The following MAP2K5 variants were observed in gnomAD, a reference collection of about 807,000 sequenced individuals.
MAP2K5 encodes the protein dual specificity mitogen-activated protein kinase kinase 5.
Under a neutral mutation model 83.1 loss-of-function variants are expected in MAP2K5, and 49 were observed. The observed-to-expected ratio is 0.59, with a 90% CI of 0.47 to 0.75. The LOEUF is 0.75. MAP2K5 is among the 30% of genes least tolerant of loss of function. The pLI is 0.00. For missense variants in MAP2K5, 457 were observed against 557.5 expected (o/e 0.82, Z 1.82); for synonymous variants, 202 against 191.8 (o/e 1.05, Z -0.44).
chr15:67,784,904 G>A (rs1273650037), intron 21 of MAP2K5, among the ~76,000 whole-genome samples: 1 of 152,138 alleles, frequency 6.6e-6, no homozygotes, highest in Non-Finnish European at 1.5e-5. Context: ...GCTGAACTCG[G>A]AGTATGGGCT....
rs182991761 is a variant in MAP2K5 at position 67,555,865 on chromosome 15, C to T, written c.184+5783C>T. ...GTGGTGTGATCTCGGCTCACTGCAA[C>T]CTCCACCTCAGGGGTTCAAGCGATT... is the stretch of plus-strand genomic sequence containing the variant. On this transcript the variant is annotated intron_variant, in intron 2 of 21. Coordinates refer to ENST00000178640, the MANE Select transcript of MAP2K5 (RefSeq NM_145160.3). The surrounding 1 kb of genome is among the most constrained non-coding windows in gnomAD (Gnocchi z 5.2). Among the ~76,000 whole-genome samples, 13 of 151,726 alleles carry T rather than the reference C, an allele frequency of 8.6e-5. No homozygotes were observed. The highest frequency in any genetic ancestry group is 2.7e-4 in the African/African-American group (11 of 41,342).
chr15:67,584,672 CTTTTTTTTTTTT>C (rs36111747), intron 4 of MAP2K5, among the ~76,000 whole-genome samples: 7 of 106,104 alleles, frequency 6.6e-5, no homozygotes, highest in Non-Finnish European at 1.1e-4. Flanking sequence ...ATATCTTCTC[CTTTTTTTTTTTT>C]TTTTTTTTTT....
chr15:67,592,159 A>G (rs2141013169), intron 6 of MAP2K5, among the ~76,000 whole-genome samples: 1 of 150,780 alleles, frequency 6.6e-6, no homozygotes, highest in South Asian at 2.1e-4. Context: ...ATTCATCCAT[A>G]TGAGTGTTAA....
chr15:67,572,335 T>C lies in MAP2K5; in HGVS notation c.253-8419T>C, dbSNP rs2084964959. On this transcript the variant is annotated intron_variant, in intron 3 of 21. Coordinates refer to ENST00000178640, the MANE Select transcript of MAP2K5 (RefSeq NM_145160.3). The surrounding 1 kb of genome is among the most constrained non-coding windows in gnomAD (Gnocchi z 4.2). ...AGGGAAGTGACATGATCATATCTCA[T>C]ATTGTCAGAGGCATTTGAGCCATAG... Among the ~76,000 whole-genome samples, 1 of 152,132 alleles carries C rather than the reference T, an allele frequency of 6.6e-6. No homozygotes were observed. Among genetic ancestry groups the C allele is most frequent in the African/African-American group, 2.4e-5 (1 of 41,426 alleles).
intron 11 of MAP2K5, among the ~76,000 whole-genome samples, chr15:67,654,225 A>G (rs930489863): frequency 1.3e-5 from 2 of 152,136 alleles, no homozygotes. Flanking sequence ...AGGTCCATGC[A>G]TGTTTATAAT....
chr15:67,805,284 T>C (rs1167115252), intron 21 of MAP2K5, among the ~76,000 whole-genome samples: 2 of 152,108 alleles, frequency 1.3e-5, no homozygotes, highest in African/African-American at 4.8e-5. Flanking sequence ...GGGCACTGCA[T>C]CAGCCTAGGA....
At chr15:67,628,691 G>T in intron 8 of MAP2K5, 1 of 864,182 alleles carries the variant, frequency 1.2e-6, no homozygotes, top group South Asian at 1.3e-5. Flanking sequence ...TGGCCACAAC[G>T]GTGAAGTTAG....
intron 6 of MAP2K5, among the ~76,000 whole-genome samples, chr15:67,591,817 A>C (rs914546085): frequency 6.6e-6 from 1 of 151,874 alleles, no homozygotes; most frequent in Non-Finnish European, 1.5e-5. Context: ...TTTTTCTTCA[A>C]TAAGGACTTT....
chr15:67,781,133 G>A lies in MAP2K5; in HGVS notation c.1242+8381G>A, dbSNP rs532691343. 3.3e-5 allele frequency among the ~76,000 whole-genome samples: 5 copies of A among 152,172 alleles called. No individual in the cohort carries two copies. Among genetic ancestry groups the A allele is most frequent in the African/African-American group, 7.2e-5 (3 of 41,438 alleles). On this transcript the variant is annotated intron_variant, in intron 21 of 21. Coordinates refer to ENST00000178640, the MANE Select transcript of MAP2K5 (RefSeq NM_145160.3). This position sits in a 1 kb window ranked among gnomAD's most constrained non-coding sequence, Gnocchi z 4.0. ...TGAAAAAGATCAGAGACATTCAGCC[G>A]TTTGTGGGAGAAATATAAAAGGATC...
At chr15:67,551,717 T>G (rs1192434346) in intron 2 of MAP2K5, among the ~76,000 whole-genome samples, 1 of 152,196 alleles carries the variant, frequency 6.6e-6, no homozygotes, top group African/African-American at 2.4e-5. Context: ...CACAGCTTGC[T>G]GTAGCCTTGA....
chr15:67,624,764 G>A lies in MAP2K5; in HGVS notation c.546-6124G>A, dbSNP rs982364137. Among the ~76,000 whole-genome samples, 6 of 148,712 alleles carry A rather than the reference G, an allele frequency of 4.0e-5. No homozygotes were observed. The South Asian group carries it at 6.6e-4, about 16-fold the overall frequency. On this transcript the variant is annotated intron_variant, in intron 8 of 21. Transcript: ENST00000178640. ...CCTGCCTCAGCCTCCCGAGTAGCTG[G>A]GATTACAGGCATCCGCCACCAGGCC...
Position 67,543,620 on chromosome 15 carries a change from A to G in MAP2K5, c.135+150A>G, listed in dbSNP as rs1191600940. ...TTTTATTGCTTCAGGCACAGCATTGATAAATTGCAACCACTAAAACCTGGC... is the reference window on the plus strand; with the variant it reads ...TTTTATTGCTTCAGGCACAGCATTGGTAAATTGCAACCACTAAAACCTGGC... On this transcript the variant is annotated intron_variant, in intron 1 of 21. Transcript: ENST00000178640. This position sits in a 1 kb window ranked among gnomAD's most constrained non-coding sequence, Gnocchi z 4.3. 1.2e-6 allele frequency: 1 copy of G among 833,552 alleles called. No individual in the cohort carries two copies. The highest frequency in any genetic ancestry group is 1.7e-5 in the African/African-American group (1 of 58,732). 51.6% of individuals were successfully genotyped at this position (833,552 alleles called of 1,614,324 possible). A position where few individuals can be genotyped will look rare whatever the true frequency, so the allele number is the denominator to read the frequency against.
At chr15:67,566,230 A>G (rs2084835405) in intron 3 of MAP2K5, among the ~76,000 whole-genome samples, 1 of 152,072 alleles carries the variant, frequency 6.6e-6, no homozygotes, top group South Asian at 2.1e-4. Flanking sequence ...GGTGGAGTGC[A>G]GTAGCCTGAT....
chr15:67,715,865 T>G (rs1239866596), intron 16 of MAP2K5, among the ~76,000 whole-genome samples: 1 of 152,192 alleles, frequency 6.6e-6, no homozygotes, highest in African/African-American at 2.4e-5. Context: ...TGGATAGAAC[T>G]CTACACTTTC....
chr15:67,644,630 G>C lies in MAP2K5; in HGVS notation c.586-1601G>C, dbSNP rs1445581487. 6.6e-6 allele frequency among the ~76,000 whole-genome samples: 1 copy of C among 151,944 alleles called. No individual in the cohort carries two copies. The highest frequency in any genetic ancestry group is 2.4e-5 in the African/African-American group (1 of 41,346). Reference sequence around the variant, plus strand: ...CCATAAAGTACTGAAAAGCCCATGAGACTGAGTCCAGAGGAGGGGGTCCTA... The same window carrying C: ...CCATAAAGTACTGAAAAGCCCATGACACTGAGTCCAGAGGAGGGGGTCCTA... On this transcript the variant is annotated intron_variant, in intron 9 of 21. Coordinates refer to ENST00000178640, the MANE Select transcript of MAP2K5 (RefSeq NM_145160.3). The surrounding 1 kb of genome is among the most constrained non-coding windows in gnomAD (Gnocchi z 4.6).
intron 9 of MAP2K5, among the ~76,000 whole-genome samples, chr15:67,634,474 T>C (rs1031475919): frequency 6.6e-6 from 1 of 151,318 alleles, no homozygotes; most frequent in Non-Finnish European, 1.5e-5. Context: ...CTGATAGTGT[T>C]ATTCAGATAT....
chr15:67,686,582 A>G (rs1274341415), intron 13 of MAP2K5, among the ~76,000 whole-genome samples: 3 of 151,386 alleles, frequency 2.0e-5, no homozygotes, highest in African/African-American at 7.3e-5. Flanking sequence ...CAGCCTGGGC[A>G]ACAGAGTGAG....
rs1440587481 is a variant in MAP2K5, at chr15:67,585,878, T to G, written c.323-12T>G. 6.2e-7 allele frequency: 1 copy of G among 1,613,296 alleles called. No homozygotes were observed. Among genetic ancestry groups the G allele is most frequent in the Non-Finnish European group, 8.5e-7 (1 of 1,179,238 alleles). Reference sequence around the variant, plus strand: ...CTGATGTGTTCTACAATTTAGTCAATTACTGTTTCAGCCTGCAAGCCTCCT... The same window carrying G: ...CTGATGTGTTCTACAATTTAGTCAAGTACTGTTTCAGCCTGCAAGCCTCCT... On this transcript the variant is annotated splice_polypyrimidine_tract_variant and intron_variant, in intron 4 of 21. Coordinates refer to ENST00000178640, the MANE Select transcript of MAP2K5 (RefSeq NM_145160.3).
rs1555524639 is a variant in MAP2K5 at position 67,547,077 on chromosome 15, A to AAACACAC, written c.136-2956_136-2955insACACACA. Among the ~76,000 whole-genome samples the AAACACAC allele has an allele frequency of 5.5e-5, 8 of 144,196 alleles. No homozygotes were observed. The East Asian group carries it at 1.4e-3, about 26-fold the overall frequency. The allele number at this position is 144,196 out of a possible 152,430, so 94.6% of individuals were successfully genotyped here. ...GAGACCCTATCTCAAAAAAGAAGAA[A>AAACACAC]ACACACACACACACACACACACACA... On this transcript the variant is annotated intron_variant, in intron 1 of 21. Coordinates refer to ENST00000178640, the MANE Select transcript of MAP2K5 (RefSeq NM_145160.3).
Sources: gnomAD v4.1 joint callset for allele counts (sites outside exome capture counted in the v4.1 genomes callset) on GRCh38, gnomAD v4.1.1 for gene constraint, Gnocchi (gnomAD v3.1) non-coding constraint, MANE v1.5 for transcripts, NCBI Gene and HGNC (gene_info 2026-07-23, HGNC 2026-07-21) for gene names.